The following TRIM37 variants were observed in gnomAD, a reference collection of about 807,000 sequenced individuals.
TRIM37 encodes E3 ubiquitin-protein ligase TRIM37.
Under a neutral mutation model 129.8 loss-of-function variants are expected in TRIM37, and 80 were observed. That is an observed-to-expected ratio of 0.62 (90% CI 0.51 to 0.74). The LOEUF (loss-of-function observed/expected upper bound fraction) is 0.74, where lower values mean the gene tolerates loss of function less well. Ranked by LOEUF, TRIM37 falls within the 30% of genes least tolerant of loss-of-function variation. The pLI is 0.00. For synonymous variants in TRIM37, 389 were observed against 387.1 expected (o/e 1.00, Z -0.06); for missense variants, 1,054 against 1,176.5 (o/e 0.90, Z 1.52).
Position 59,057,032 on chromosome 17 carries a change from C to A in TRIM37, c.1042G>T (p.Val348Phe). The A allele has an allele frequency of 6.2e-7, 1 of 1,613,666 alleles. No individual in the cohort carries two copies. Among genetic ancestry groups the A allele is most frequent in the Non-Finnish European group, 8.5e-7 (1 of 1,179,810 alleles). Reference sequence around the variant, plus strand: ...GTAGGATCATTACAGGACTGGTGAACCATCTCTACACGATATTCATATCTA... The same window carrying A: ...GTAGGATCATTACAGGACTGGTGAAACATCTCTACACGATATTCATATCTA... The part of the protein sequence containing the change: ...TSKYEYRVEM[V>F]HQSCNDPTKN... The change falls in exon 13 of 24, where the codon GTT becomes TTT. Residue 348 changes from valine (V) to phenylalanine (F), a missense_variant. Val to Phe is a conservative substitution (Grantham distance 50, BLOSUM62 -1). Transcript: ENST00000262294.
intron 7 of TRIM37, among the ~76,000 whole-genome samples, chr17:59,078,840 A>G (rs905478866): frequency 2.0e-5 from 3 of 152,174 alleles, no homozygotes; most frequent in African/African-American, 7.2e-5. Flanking sequence ...GTTTAAGACT[A>G]TTTGCTACTT....
chr17:59,027,818 G>A (rs911541224), intron 19 of TRIM37, among the ~76,000 whole-genome samples: 4 of 151,968 alleles, frequency 2.6e-5, no homozygotes, highest in Admixed American at 2.0e-4. Flanking sequence ...CTCTGACTTC[G>A]TCTCCTGCTA....
At chr17:59,043,591 G>A (rs896118084) in intron 16 of TRIM37, among the ~76,000 whole-genome samples, 2 of 152,126 alleles carry the variant, frequency 1.3e-5, no homozygotes, top group Non-Finnish European at 2.9e-5. Context: ...GCTACCTATT[G>A]CTGATGCTAT....
intron 13 of TRIM37, among the ~76,000 whole-genome samples, chr17:59,051,734 G>T (rs1282381255): frequency 1.4e-5 from 2 of 144,974 alleles, no homozygotes; most frequent in East Asian, 4.0e-4. Flanking sequence ...AAAATACAAA[G>T]TTTTTTTTTT....
At chr17:59,009,468 G>A (rs1286117608) in intron 22 of TRIM37, among the ~76,000 whole-genome samples, 7 of 132,002 alleles carry the variant, frequency 5.3e-5, no homozygotes, top group Admixed American at 3.2e-4. Context: ...TTTTTGAGAC[G>A]AAGTTTCACT....
chr17:59,085,431 A>G (rs1239526207), intron 4 of TRIM37, among the ~76,000 whole-genome samples: 3 of 152,204 alleles, frequency 2.0e-5, no homozygotes, highest in African/African-American at 7.2e-5. Context: ...TGAGCAAAAG[A>G]TCTCCAGTAA....
intron 2 of TRIM37, among the ~76,000 whole-genome samples, chr17:59,094,282 GA>G (rs2044661873): frequency 6.6e-6 from 1 of 152,030 alleles, no homozygotes; most frequent in African/African-American, 2.4e-5. Context: ...CAAAACCAAA[GA>G]ACCAGTGGTA....
intron 18 of TRIM37, among the ~76,000 whole-genome samples, chr17:59,030,973 A>T (rs935049472): frequency 1.3e-5 from 2 of 152,328 alleles, no homozygotes; most frequent in Admixed American, 6.5e-5. Context: ...GCGCACACAT[A>T]AAAGGCAACT....
chr17:58,995,712 GACT>G (rs1452610992), downstream of TRIM37, among the ~76,000 whole-genome samples: 1 of 152,138 alleles, frequency 6.6e-6, no homozygotes, highest in Admixed American at 6.5e-5. Flanking sequence ...AGGCAAGATC[GACT>G]ACTAGGTGCT....
At chr17:59,011,074 C>A (rs1044519942) in intron 22 of TRIM37, among the ~76,000 whole-genome samples, 1 of 151,688 alleles carries the variant, frequency 6.6e-6, no homozygotes, top group African/African-American at 2.4e-5. Context: ...GAGGCTGAGG[C>A]AGGAGAATCG....
intron 1 of TRIM37, among the ~76,000 whole-genome samples, chr17:59,106,127 T>A (rs1035729088): frequency 6.6e-6 from 1 of 152,156 alleles, no homozygotes; most frequent in South Asian, 2.1e-4. Context: ...GCAGGGTACA[T>A]CCATCTGATG....
At chr17:59,042,151 C>A (rs1025858534) in intron 16 of TRIM37, among the ~76,000 whole-genome samples, 4 of 148,288 alleles carry the variant, frequency 2.7e-5, no homozygotes, top group Non-Finnish European at 6.0e-5. Flanking sequence ...CTGAGGCAGG[C>A]GGATCACGAG....
intron 17 of TRIM37, among the ~76,000 whole-genome samples, chr17:59,035,103 A>G (rs1464176849): frequency 5.3e-5 from 8 of 151,966 alleles, no homozygotes; most frequent in Non-Finnish European, 8.8e-5. Flanking sequence ...TTTGTCACCC[A>G]GGCTGGAGTA....
At chr17:59,023,623 C>T (rs980513958) in intron 19 of TRIM37, among the ~76,000 whole-genome samples, 10 of 151,902 alleles carry the variant, frequency 6.6e-5, no homozygotes, top group African/African-American at 2.4e-4. Context: ...CTACTGTACC[C>T]TAGCCTGGGT....
chr17:58,999,318 C>T lies in TRIM37; in HGVS notation c.*59G>A, dbSNP rs770000410. The T allele has an allele frequency of 5.6e-6, 9 of 1,612,460 alleles. No individual in the cohort carries two copies. The highest frequency in any genetic ancestry group is 7.6e-6 in the Non-Finnish European group (9 of 1,179,342). On this transcript the variant is annotated 3_prime_UTR_variant, in exon 24 of 24. Coordinates refer to ENST00000262294, the MANE Select transcript of TRIM37 (RefSeq NM_015294.6). Reference sequence around the variant, plus strand: ...TCTGACTGATGACAAATTTGAGCACCAACTACAGCAAAATTCAGGGTCAAG... The same window carrying T: ...TCTGACTGATGACAAATTTGAGCACTAACTACAGCAAAATTCAGGGTCAAG...
chr17:59,031,574 G>A (rs1281492903), intron 18 of TRIM37, among the ~76,000 whole-genome samples: 2 of 152,186 alleles, frequency 1.3e-5, no homozygotes, highest in Non-Finnish European at 2.9e-5. Context: ...GGAAGTAAGG[G>A]AATTCATGAA....
exon 25 of TRIM37, chr17:58,982,768 G>GA (rs2031436276): frequency 1.6e-6 from 1 of 622,212 alleles, no homozygotes; most frequent in African/African-American, 1.9e-5. Context: ...ACAAATGGTT[G>GA]AAAAGGAGTC....
chr17:59,068,715 G>C (rs1369272199), intron 9 of TRIM37, among the ~76,000 whole-genome samples: 1 of 152,184 alleles, frequency 6.6e-6, no homozygotes, highest in East Asian at 1.9e-4. Flanking sequence ...TAATCAAAAA[G>C]AAAGGAAGAC....
At chr17:59,095,050 T>C (rs2044725434) in intron 2 of TRIM37, among the ~76,000 whole-genome samples, 1 of 152,016 alleles carries the variant, frequency 6.6e-6, no homozygotes, top group Non-Finnish European at 1.5e-5. Context: ...ATACCATCTC[T>C]ACAATAAATT....
Sources: allele counts gnomAD v4.1 joint callset (sites outside exome capture counted in the v4.1 genomes callset), GRCh38; gene constraint gnomAD v4.1.1; transcripts MANE v1.5; gene names NCBI Gene and HGNC (gene_info 2026-07-23, HGNC 2026-07-21).